Variants in SIRPB2 observed in about 807,000 individuals in gnomAD.
SIRPB2 encodes signal-regulatory protein beta-2.
In SIRPB2, 18 loss-of-function variants were observed where a neutral mutation model predicts 27.1. The observed-to-expected ratio is 0.66, with a 90% CI of 0.46 to 0.98. The LOEUF is 0.98. Among genes scored for constraint, SIRPB2 ranks in the 50% least tolerant of loss-of-function variants. SIRPB2 has a pLI of 0.00. For missense variants in SIRPB2, 420 were observed against 417.4 expected (o/e 1.01, Z -0.06); for synonymous variants, 150 against 164.6 (o/e 0.91, Z 0.68).
Position 1,479,920 on chromosome 20 carries a change from G to A in SIRPB2, c.231C>T (p.Ser77=), listed in dbSNP as rs769583898. 82 of 1,614,088 alleles carry A rather than the reference G, an allele frequency of 5.1e-5. 1 individual carries two copies. In the Middle Eastern group the frequency reaches 8.2e-4, roughly 16 times the overall value. Residue 77 remains serine, a synonymous_variant, in exon 2 of 5, where the codon AGC becomes AGT. Coordinates refer to ENST00000359801, the MANE Select transcript of SIRPB2 (RefSeq NM_001122962.2). The part of the protein sequence containing the change: ...TDGMIKWVKV[S]TQDQQEIYNF... ...TATAAATTTCCTGTTGGTCCTGAGT[G>A]CTCACCTTCACCCATTTTATCATAC...
rs199594006 is a variant in SIRPB2 at position 1,477,319 on chromosome 20, C to T, written c.859+19G>A. ...GCCTGTGGGGGACTCATTGACTCCA[C>T]TGAGGTGGGTACGCTCACCTGTTGG... is the stretch of plus-strand genomic sequence containing the variant. On this transcript the variant is annotated intron_variant, in intron 4 of 4. Transcript: ENST00000359801. 104 of 1,614,250 alleles carry T rather than the reference C, an allele frequency of 6.4e-5. 1 individual carries two copies. In the African/African-American group the frequency reaches 1.3e-3, roughly 20 times the overall value.
chr20:1,477,326 G>T lies in SIRPB2; in HGVS notation c.859+12C>A. 6.2e-7 allele frequency: 1 copy of T among 1,614,186 alleles called. No homozygotes were observed. Among genetic ancestry groups the T allele is most frequent in the Non-Finnish European group, 8.5e-7 (1 of 1,180,038 alleles). On this transcript the variant is annotated intron_variant, in intron 4 of 4. Coordinates refer to ENST00000359801, the MANE Select transcript of SIRPB2 (RefSeq NM_001122962.2). ...GGGGACTCATTGACTCCACTGAGGT[G>T]GGTACGCTCACCTGTTGGAGACATC...
downstream of SIRPB2, among the ~76,000 whole-genome samples, chr20:1,471,588 C>A (rs1320761094): frequency 6.6e-6 from 1 of 152,178 alleles, no homozygotes; most frequent in African/African-American, 2.4e-5. Flanking sequence ...TTGACTAGGC[C>A]TGGCATTCCC....
Position 1,475,528 on chromosome 20 carries a change from C to G in SIRPB2, c.*639G>C, listed in dbSNP as rs983228509. 2.0e-5 allele frequency: 3 copies of G among 152,180 alleles called. No individual in the cohort carries two copies. Among genetic ancestry groups the G allele is most frequent in the Non-Finnish European group, 4.4e-5 (3 of 68,088 alleles). 9.4% of individuals were successfully genotyped at this position (152,180 alleles called of 1,614,324 possible). A position where few individuals can be genotyped will look rare whatever the true frequency, so the allele number is the denominator to read the frequency against. On this transcript the variant is annotated 3_prime_UTR_variant, in exon 5 of 5. Coordinates refer to ENST00000359801, the MANE Select transcript of SIRPB2 (RefSeq NM_001122962.2). ...CCAGTCTGGCTGCCTAGAAGGTGGA[C>G]CTGGTAGCAATGAGATCAGTGAATC... is the stretch of plus-strand genomic sequence containing the variant.
chr20:1,470,796 AAC>A (rs2090578861), downstream of SIRPB2: 1 of 152,156 alleles, frequency 6.6e-6, no homozygotes, highest in Admixed American at 6.5e-5. Flanking sequence ...AGCGCGTACA[AAC>A]ACACAACATT....
At chr20:1,484,789 A>G (rs2090709755) in intron 1 of SIRPB2, among the ~76,000 whole-genome samples, 2 of 152,346 alleles carry the variant, frequency 1.3e-5, no homozygotes, top group African/African-American at 4.8e-5. Context: ...GTGGGAATGT[A>G]AATTAGTACA....
downstream of SIRPB2, among the ~76,000 whole-genome samples, chr20:1,471,420 C>T (rs2090580957): frequency 6.6e-6 from 1 of 152,182 alleles, no homozygotes; most frequent in South Asian, 2.1e-4. Context: ...TATGTTAATA[C>T]AATGGAATAC....
intron 3 of SIRPB2, 55 bp downstream of exon 3, chr20:1,478,211 T>C: frequency 6.5e-7 from 1 of 1,545,168 alleles, no homozygotes; most frequent in Middle Eastern, 1.7e-4. Flanking sequence ...TGTAGAAAAA[T>C]TCCTGTTGAA....
At chr20:1,473,037 C>A, downstream of SIRPB2, 1 of 152,618 alleles carries the variant, frequency 6.6e-6, no homozygotes. Context: ...GTCACTTCCC[C>A]TTTGCTCTGG....
In SIRPB2 at chr20:1,479,967, C is replaced by T. The variant is rs1423914766; in HGVS notation, c.184G>A (p.Val62Met). ...EGETLLLRCMVVGSCTDGMIK... is the reference protein window; with the variant it reads ...EGETLLLRCMMVGSCTDGMIK... ...ATACCATCAGTGCAGGAGCCGACCA[C>T]CATACACCTCAGTAGAAGTGTCTCA... The change falls in exon 2 of 5, where the codon GTG (valine) becomes ATG (methionine). Residue 62 changes from valine to methionine, a missense_variant. Physicochemically the swap from Val to Met is conservative, Grantham distance 21. Coordinates refer to ENST00000359801, the MANE Select transcript of SIRPB2 (RefSeq NM_001122962.2). The T allele has an allele frequency of 1.2e-6, 2 of 1,614,082 alleles. No homozygotes were observed. Among genetic ancestry groups the T allele is most frequent in the Non-Finnish European group, 1.7e-6 (2 of 1,180,050 alleles).
chr20:1,482,796 C>A (rs2090685336), intron 1 of SIRPB2, among the ~76,000 whole-genome samples: 1 of 151,582 alleles, frequency 6.6e-6, no homozygotes, highest in Non-Finnish European at 1.5e-5. Context: ...GAATAGTATT[C>A]CATTGTGGGT....
In SIRPB2 at chr20:1,475,352, G is replaced by T. The variant is rs145407666; in HGVS notation, c.*815C>A. ...AAAACTTGCAGCTGGGCGCATTGCT[G>T]CCAGAAATAAAGACTACATCTCCCA... On this transcript the variant is annotated 3_prime_UTR_variant, in exon 5 of 5. Transcript: ENST00000359801. 1.3e-5 allele frequency: 2 copies of T among 152,332 alleles called. No individual in the cohort carries two copies. The highest frequency in any genetic ancestry group is 3.9e-4 in the East Asian group (2 of 5,184). 9.4% of individuals were successfully genotyped at this position (152,332 alleles called of 1,614,324 possible). A position where few individuals can be genotyped will look rare whatever the true frequency, so the allele number is the denominator to read the frequency against.
intron 1 of SIRPB2, among the ~76,000 whole-genome samples, chr20:1,485,119 G>T (rs1350425930): frequency 2.0e-5 from 3 of 151,942 alleles, no homozygotes; most frequent in Non-Finnish European, 4.4e-5. Context: ...AGAGAGATTT[G>T]TTAATGGGTA....
At position 1,475,829 on chromosome 20, in the gene SIRPB2, T is replaced by G; in HGVS notation, c.*338A>C. On this transcript the variant is annotated 3_prime_UTR_variant, in exon 5 of 5. Transcript: ENST00000359801. ...ATCTCCTGGGAAGAAGACTCTGAGTTGGATGTTGGAGGCCAAGAAGGATGT... is the reference window on the plus strand; with the variant it reads ...ATCTCCTGGGAAGAAGACTCTGAGTGGGATGTTGGAGGCCAAGAAGGATGT... 4 of 227,078 alleles carry G rather than the reference T, an allele frequency of 1.8e-5. No homozygotes were observed. The highest frequency in any genetic ancestry group is 2.6e-5 in the Non-Finnish European group (3 of 115,264). 14.1% of individuals were successfully genotyped at this position (227,078 alleles called of 1,614,324 possible).
downstream of SIRPB2, chr20:1,471,235 T>C (rs2090580507): frequency 6.6e-6 from 1 of 152,216 alleles, no homozygotes; most frequent in Non-Finnish European, 1.5e-5. Context: ...GGGGCATGAT[T>C]TGGCCAATCT....
chr20:1,479,484 G>A, intron 2 of SIRPB2: 1 of 677,432 alleles, frequency 1.5e-6, no homozygotes, highest in South Asian at 1.9e-5. Flanking sequence ...GAGAAAACAT[G>A]CCCCACATAG....
At chr20:1,484,141 C>T (rs1370645888) in intron 1 of SIRPB2, among the ~76,000 whole-genome samples, 30 of 152,148 alleles carry the variant, frequency 2.0e-4, no homozygotes, top group Non-Finnish European at 4.4e-5. Flanking sequence ...ACTGGATATC[C>T]ATATGCAGAA....
chr20:1,476,308 G>A lies in SIRPB2; in HGVS notation c.888C>T (p.Val296=). The A allele has an allele frequency of 1.9e-6, 3 of 1,613,454 alleles. No individual in the cohort carries two copies. Among genetic ancestry groups the A allele is most frequent in the Non-Finnish European group, 2.5e-6 (3 of 1,179,884 alleles). The change falls in exon 5 of 5, where the codon GTC becomes GTT. Residue 296 remains valine, a synonymous_variant. Transcript: ENST00000359801. ...TGLLVVFAPV[V]LGLKAITLAA... ...CCAAGGTAATTGCCTTCAGCCCCAG[G>A]ACCACAGGTGCGAACACAACCAGGA...
intron 1 of SIRPB2, among the ~76,000 whole-genome samples, chr20:1,490,941 T>C (rs927098641): frequency 1.2e-4 from 18 of 152,300 alleles, no homozygotes; most frequent in Non-Finnish European, 2.4e-4. Context: ...TATTTAATAC[T>C]CACAGTAGCC....
Sources: gnomAD v4.1 joint callset for allele counts (sites outside exome capture counted in the v4.1 genomes callset) on GRCh38, gnomAD v4.1.1 for gene constraint, MANE v1.5 for transcripts, NCBI Gene and HGNC (gene_info 2026-07-23, HGNC 2026-07-21) for gene names.